Variants in TANC2 observed in about 807,000 individuals in gnomAD.
TANC2 encodes the protein tetratricopeptide repeat, ankyrin repeat and coiled-coil containing 2.
A neutral mutation model predicts 210.5 loss-of-function variants in TANC2; 26 were observed. The ratio of observed to expected loss-of-function variants is 0.12; its 90% CI spans 0.09 to 0.17. TANC2 has a LOEUF of 0.17. TANC2 is among the 10% of genes least tolerant of loss of function. TANC2 has a pLI of 1.00. For missense variants in TANC2, 2,129 were observed against 2,608.9 expected, an observed-to-expected ratio of 0.82 and a Z score of 4.01; for synonymous variants, 931 against 967.1, an observed-to-expected ratio of 0.96 and a Z score of 0.69.
In TANC2 at chr17:63,340,172, T is replaced by G. The variant is rs568390734; in HGVS notation, c.1647T>G (p.Val549=). 40 of 1,613,850 alleles carry G rather than the reference T, an allele frequency of 2.5e-5. No individual in the cohort carries two copies. In the Admixed American group the frequency reaches 4.5e-4, roughly 18 times the overall value. ...TGGTGCCAGAATTTGTCCACAATGTTGCTGCCTTGCTCTGCCGCTCACCTC... is the reference window on the plus strand; with the variant it reads ...TGGTGCCAGAATTTGTCCACAATGTGGCTGCCTTGCTCTGCCGCTCACCTC... The change falls in exon 12 of 28, where the codon GTT becomes GTG. Residue 549 remains valine (V), a synonymous_variant. Coordinates refer to ENST00000689528, the Ensembl canonical transcript of TANC2.
At chr17:63,411,448 A>ACTTC (rs2048700531) in intron 21 of TANC2, 63 bp from the exon 22 acceptor site, 11 of 1,497,116 alleles carry the variant, frequency 7.3e-6, no homozygotes, top group Non-Finnish European at 9.9e-6. Flanking sequence ...CCTTCAGCGT[A>ACTTC]CTTCCCCTCC....
At chr17:63,392,022 C>T (rs980844621) in intron 17 of TANC2, among the ~76,000 whole-genome samples, 38 of 152,122 alleles carry the variant, frequency 2.5e-4, no homozygotes, top group African/African-American at 8.7e-4. Flanking sequence ...CCACCGTGCT[C>T]GGCCAGTAGT....
chr17:63,220,715 A>ATATATATATATATATATATATGT (rs1325036062), intron 7 of TANC2, among the ~76,000 whole-genome samples: 1 of 138,838 alleles, frequency 7.2e-6, no homozygotes, highest in South Asian at 2.2e-4. Flanking sequence ...AAAAAAAAAA[A>ATATATATATATATATATATATGT]AAAAATATAT....
At chr17:63,334,456 ATAAT>A (rs986848095) in intron 11 of TANC2, among the ~76,000 whole-genome samples, 100 of 150,124 alleles carry the variant, frequency 6.7e-4, no homozygotes, top group African/African-American at 2.5e-3. Flanking sequence ...TATTAAATCA[ATAAT>A]AAATAAATAA....
At chr17:62,983,697 A>G (rs1254990297) in intron 1 of TANC2, among the ~76,000 whole-genome samples, 1 of 152,130 alleles carries the variant, frequency 6.6e-6, no homozygotes, top group Non-Finnish European at 1.5e-5. Context: ...ATTTTTAAAA[A>G]TGCTTTTTCT....
chr17:63,325,983 T>C (rs185939443), intron 11 of TANC2, among the ~76,000 whole-genome samples: 1 of 152,234 alleles, frequency 6.6e-6, no homozygotes, highest in Non-Finnish European at 1.5e-5. Flanking sequence ...TTATCGGCCC[T>C]AACCTCCTTT....
chr17:63,273,057 C>G (rs1472484448), intron 9 of TANC2, among the ~76,000 whole-genome samples: 1 of 152,072 alleles, frequency 6.6e-6, no homozygotes, highest in African/African-American at 2.4e-5. Context: ...AGGTGGGAGG[C>G]TTACTTGAGC....
exon 28 of TANC2, chr17:63,423,718 G>A (rs897144641): frequency 1.3e-5 from 2 of 152,116 alleles, no homozygotes; most frequent in Admixed American, 6.5e-5. Context: ...CGAAATAGAC[G>A]GACCTCTCCA....
At chr17:63,249,834 CAA>C in intron 8 of TANC2, among the ~76,000 whole-genome samples, 1 of 152,254 alleles carries the variant, frequency 6.6e-6, no homozygotes, top group East Asian at 1.9e-4. Flanking sequence ...GTTCCTTGCT[CAA>C]GTCAGCTAGA....
chr17:62,985,038 C>T (rs535265496), intron 1 of TANC2, among the ~76,000 whole-genome samples: 2 of 152,248 alleles, frequency 1.3e-5, no homozygotes, highest in South Asian at 2.1e-4. Context: ...ATGAACTCTC[C>T]AGCGCTGACA....
At chr17:63,358,391 GTGTGTGTGTGTGTGTGTGTGTA>G (rs2046850289) in intron 14 of TANC2, among the ~76,000 whole-genome samples, 1 of 151,492 alleles carries the variant, frequency 6.6e-6, no homozygotes, top group Non-Finnish European at 1.5e-5. Context: ...GTGTGTGTGT[GTGTGTGTGTGTGTGTGTGTGTA>G]TGTGTGTGTG....
Position 63,286,438 on chromosome 17 carries a change from C to T in TANC2, c.1159+18565C>T, listed in dbSNP as rs761356829. On this transcript the variant is annotated intron_variant, in intron 9 of 27. Transcript: ENST00000689528. ...TCCATAATTTAAAACTACAGATCCA[C>T]TGCCTTCTCACTTGCATTATTTGTG... Among the ~76,000 whole-genome samples the T allele has an allele frequency of 4.3e-4, 66 of 152,292 alleles. 1 individual carries two copies. Among genetic ancestry groups the T allele is most frequent in the South Asian group, 1.0e-3 (5 of 4,826 alleles).
intron 14 of TANC2, among the ~76,000 whole-genome samples, chr17:63,363,950 G>A (rs1354649073): frequency 6.6e-6 from 1 of 152,174 alleles, no homozygotes; most frequent in Non-Finnish European, 1.5e-5. Context: ...CTTCCACTGA[G>A]TGGTAATCAG....
chr17:62,972,399 A>G (rs937226244), intron 1 of TANC2, among the ~76,000 whole-genome samples: 2 of 152,184 alleles, frequency 1.3e-5, no homozygotes, highest in Middle Eastern at 3.2e-3. Flanking sequence ...TATTCACTAC[A>G]TGGTTTATAG....
chr17:63,420,331 G>A lies in TANC2; in HGVS notation c.4601G>A (p.Arg1534Gln), dbSNP rs370919725. 162 of 1,613,792 alleles carry A rather than the reference G, an allele frequency of 1.0e-4. 1 individual carries two copies. The highest frequency in any genetic ancestry group is 3.3e-4 in the Middle Eastern group (2 of 6,084). The change falls in exon 28 of 28, where the codon CGG becomes CAG. Residue 1534 changes from arginine to glutamine, a missense_variant. This residue lies in a region of TANC2 where 584 missense variants were observed against 627.3 expected (regional missense o/e 0.93). Transcript: ENST00000689528. This position sits in a 1 kb window ranked among gnomAD's most constrained non-coding sequence, Gnocchi z 4.2. ...AGCCCACCCTCCTCTCCCCCGCATC[G>A]GGACTCAGCCTACATCTCCAGCTCA...
At chr17:63,370,510 C>T (rs1163998882) in intron 14 of TANC2, among the ~76,000 whole-genome samples, 1 of 152,136 alleles carries the variant, frequency 6.6e-6, no homozygotes, top group African/African-American at 2.4e-5. Flanking sequence ...TTTCTTCATC[C>T]TTCTATCCAT....
intron 7 of TANC2, among the ~76,000 whole-genome samples, chr17:63,202,872 T>G (rs572368832): frequency 6.6e-6 from 1 of 152,276 alleles, no homozygotes; most frequent in African/African-American, 2.4e-5. Flanking sequence ...TTGTGTGTGT[T>G]TGTGATTTTA....
In TANC2 at chr17:63,143,858, A is replaced by T. The variant is rs1057401933; in HGVS notation, c.323-7412A>T. On this transcript the variant is annotated intron_variant, in intron 4 of 27. Transcript: ENST00000689528. ...ATAAGTACTTTCTTTAAAAGAATTT[A>T]ATATTCACATTTTGCTGGGTACAGG... is the stretch of plus-strand genomic sequence containing the variant. 2.4e-4 allele frequency among the ~76,000 whole-genome samples: 36 copies of T among 152,128 alleles called. 1 individual carries two copies. The highest frequency in any genetic ancestry group is 8.4e-4 in the African/African-American group (35 of 41,436).
intron 17 of TANC2, among the ~76,000 whole-genome samples, chr17:63,392,595 C>G (rs1017368436): frequency 2.0e-5 from 3 of 152,194 alleles, no homozygotes; most frequent in Non-Finnish European, 4.4e-5. Context: ...TTCAGATTCT[C>G]ATCTCATCTA....
Sources: gnomAD v4.1 joint callset for allele counts (sites outside exome capture counted in the v4.1 genomes callset) on GRCh38, gnomAD v4.1.1 for gene constraint, gnomAD v4.1.1 regional missense constraint, Gnocchi (gnomAD v3.1) non-coding constraint, MANE v1.5 for transcripts, NCBI Gene and HGNC (gene_info 2026-07-23, HGNC 2026-07-21) for gene names.